PARVB: variants seen among roughly 807,000 people sequenced by gnomAD.
PARVB encodes the protein beta-parvin.
In PARVB, 46 loss-of-function variants were observed where a neutral mutation model predicts 47.0. That is an observed-to-expected ratio of 0.98 (90% confidence interval 0.77 to 1.25). The LOEUF (loss-of-function observed/expected upper bound fraction) is 1.25, where lower values mean the gene tolerates loss of function less well. Among genes scored for constraint, PARVB ranks in the 50% most tolerant of loss-of-function variants. The pLI, the probability that PARVB is intolerant of heterozygous loss-of-function variation, is 0.00. For missense variants in PARVB, 473 were observed against 471.6 expected (o/e 1.00, Z -0.03); for synonymous variants, 196 against 196.3 (o/e 1.00, Z 0.01).
At chr22:44,011,703 C>T (rs1201491729) in intron 2 of PARVB, among the ~76,000 whole-genome samples, 2 of 152,064 alleles carry the variant, frequency 1.3e-5, no homozygotes, top group South Asian at 2.1e-4. Flanking sequence ...ACACCCCTGC[C>T]GTAGACCACT....
chr22:44,023,640 G>A (rs1257944833), upstream of PARVB, among the ~76,000 whole-genome samples: 1 of 151,982 alleles, frequency 6.6e-6, no homozygotes, highest in East Asian at 1.9e-4. Flanking sequence ...GGATGAAGCC[G>A]TTTCCTCTGC....
chr22:44,152,920 A>C (rs1007274722), intron 10 of PARVB: 1 of 152,190 alleles, frequency 6.6e-6, no homozygotes, highest in African/African-American at 2.4e-5. Flanking sequence ...ATTCAGGTTC[A>C]TTGTAGAAAT....
rs1282334339 is a variant in PARVB, at chr22:44,076,538, C to T, written c.113-17390C>T. ...ATAGCAGGAAGTTTTTCCACAAATA[C>T]ACAGTTCTTCAAGACCACATGCAGC... On this transcript the variant is annotated intron_variant, in intron 1 of 12. Coordinates refer to ENST00000338758, the MANE Select transcript of PARVB (RefSeq NM_013327.5). Among the ~76,000 whole-genome samples the T allele has an allele frequency of 2.6e-5, 4 of 152,328 alleles. No homozygotes were observed. The East Asian group carries it at 7.7e-4, about 29-fold the overall frequency.
intron 5 of PARVB, 75 bp downstream of exon 5, chr22:44,131,702 C>T: frequency 6.9e-7 from 1 of 1,445,394 alleles, no homozygotes; most frequent in South Asian, 1.4e-5. Flanking sequence ...CCACATTTGT[C>T]ATCCACATTC....
chr22:44,091,487 T>C (rs926786193), intron 1 of PARVB, among the ~76,000 whole-genome samples: 1 of 152,050 alleles, frequency 6.6e-6, no homozygotes, highest in Non-Finnish European at 1.5e-5. Context: ...TATTTGCTAC[T>C]TCCCCCGCCC....
At chr22:44,120,325 T>C (rs1440139452) in intron 4 of PARVB, among the ~76,000 whole-genome samples, 2 of 152,230 alleles carry the variant, frequency 1.3e-5, no homozygotes, top group Admixed American at 6.5e-5. Context: ...GTTTGTCTCT[T>C]CTTTTAGGCT....
At chr22:44,165,658 G>A (rs373342548) in intron 12 of PARVB, among the ~76,000 whole-genome samples, 26 of 152,340 alleles carry the variant, frequency 1.7e-4, no homozygotes, top group South Asian at 1.0e-3. Context: ...GCCTCCACGC[G>A]TCATGGGGTC....
At chr22:44,062,542 C>G (rs2051439281) in intron 1 of PARVB, among the ~76,000 whole-genome samples, 1 of 151,724 alleles carries the variant, frequency 6.6e-6, no homozygotes, top group Admixed American at 6.6e-5. Flanking sequence ...GAGACTGAGG[C>G]AGGAGAATTG....
chr22:44,066,119 G>A (rs951800706), intron 1 of PARVB, among the ~76,000 whole-genome samples: 4 of 152,294 alleles, frequency 2.6e-5, no homozygotes, highest in Admixed American at 2.6e-4. Flanking sequence ...TCTATTGAGC[G>A]CCTACTGTGT....
chr22:44,039,953 C>A, intron 1 of PARVB: 1 of 435,260 alleles, frequency 2.3e-6, no homozygotes, highest in South Asian at 1.6e-5. Context: ...GAGCGAGGAC[C>A]ACAGGTGTGT....
At chr22:44,106,224 T>C (rs1000380878) in intron 3 of PARVB, 35 of 129,622 alleles carry the variant, frequency 2.7e-4, no homozygotes, top group African/African-American at 1.0e-3. Context: ...GGGGTGAGGG[T>C]TGGGGTAAAC....
At chr22:44,058,572 T>TTTTA (rs2051358742) in intron 1 of PARVB, among the ~76,000 whole-genome samples, 1 of 132,994 alleles carries the variant, frequency 7.5e-6, no homozygotes, top group Non-Finnish European at 1.6e-5. Context: ...TTTTTTTTTT[T>TTTTA]GAGATGGAGT....
Position 44,003,095 on chromosome 22 carries a change from G to A in PARVB, c.211+3422G>A, listed in dbSNP as rs8139801. Among the ~76,000 whole-genome samples, 1,193 of 152,246 alleles carry A rather than the reference G, an allele frequency of 7.8e-3. 17 individuals are homozygous for A. The highest frequency in any genetic ancestry group is 0.028 in the African/African-American group (1,150 of 41,542). On this transcript the variant is annotated intron_variant, in intron 2 of 13. Coordinates refer to the PARVB transcript ENST00000406477. ...TTCCCCCGTGCTTTTCAATCAATCA[G>A]TTTCTAATGGATGAAGCATTCCCTA...
At chr22:44,072,466 A>T (rs1202229540) in intron 1 of PARVB, among the ~76,000 whole-genome samples, 1 of 152,014 alleles carries the variant, frequency 6.6e-6, no homozygotes, top group Non-Finnish European at 1.5e-5. Context: ...TTTGAGATGG[A>T]GTCTTGCCCT....
At chr22:44,144,660 T>C (rs956687559) in intron 8 of PARVB, 2 of 152,102 alleles carry the variant, frequency 1.3e-5, no homozygotes, top group African/African-American at 4.8e-5. Context: ...TAGCCAGGTG[T>C]GGTGGTGCAT....
At chr22:44,044,852 A>T (rs1254979929) in intron 1 of PARVB, among the ~76,000 whole-genome samples, 1 of 152,034 alleles carries the variant, frequency 6.6e-6, no homozygotes, top group Non-Finnish European at 1.5e-5. Context: ...TTCCATAAAA[A>T]CCCCAGTTCA....
At chr22:44,164,925 G>C (rs2054133923) in intron 12 of PARVB, among the ~76,000 whole-genome samples, 1 of 152,172 alleles carries the variant, frequency 6.6e-6, no homozygotes, top group Non-Finnish European at 1.5e-5. Context: ...GTCCCTTCCT[G>C]CCTGTTCATC....
At chr22:44,094,446 G>T (rs80328787) in intron 2 of PARVB, among the ~76,000 whole-genome samples, 2,867 of 152,298 alleles carry the variant, frequency 0.019, 102 homozygotes, top group African/African-American at 0.065. Flanking sequence ...GCACTAGTGT[G>T]AGGCAGAGGC....
chr22:44,032,973 C>T (rs1356584548), intron 1 of PARVB, among the ~76,000 whole-genome samples: 10 of 152,296 alleles, frequency 6.6e-5, no homozygotes, highest in African/African-American at 2.4e-4. Context: ...GAGTGCCGTG[C>T]AACAGCTAGT....
Sources: gnomAD v4.1 joint callset for allele counts (sites outside exome capture counted in the v4.1 genomes callset) on GRCh38, gnomAD v4.1.1 for gene constraint, MANE v1.5 for transcripts, NCBI Gene and HGNC (gene_info 2026-07-23, HGNC 2026-07-21) for gene names.